Variants in ADAMTS12 observed in about 807,000 individuals in gnomAD.
ADAMTS12 encodes ADAM metallopeptidase with thrombospondin type 1 motif 12, also known as A disintegrin and metalloproteinase with thrombospondin motifs 12.
In ADAMTS12, 118 loss-of-function variants were observed where a neutral mutation model predicts 167.8. The ratio of observed to expected loss-of-function variants is 0.70; its 90% CI spans 0.61 to 0.82. The LOEUF (loss-of-function observed/expected upper bound fraction) is 0.82, where lower values mean the gene tolerates loss of function less well. Among genes scored for constraint, ADAMTS12 ranks in the 40% least tolerant of loss-of-function variants. The pLI, the probability that ADAMTS12 is intolerant of heterozygous loss-of-function variation, is 0.00. For missense variants in ADAMTS12, 1,916 were observed against 1,998.8 expected, an observed-to-expected ratio of 0.96 and a Z score of 0.79; for synonymous variants, 704 against 716.9, an observed-to-expected ratio of 0.98 and a Z score of 0.29.
intron 2 of ADAMTS12, among the ~76,000 whole-genome samples, chr5:33,875,195 A>G (rs1018567664): frequency 2.6e-5 from 4 of 152,252 alleles, no homozygotes; most frequent in Non-Finnish European, 4.4e-5. Context: ...GAATAGGTGG[A>G]GCACAGAAAA....
chr5:33,621,077 G>C (rs948767557), intron 14 of ADAMTS12, among the ~76,000 whole-genome samples: 11 of 152,224 alleles, frequency 7.2e-5, no homozygotes, highest in Admixed American at 7.2e-4. Context: ...AGACCACCTG[G>C]AGAAACTATT....
intron 7 of ADAMTS12, among the ~76,000 whole-genome samples, chr5:33,650,074 G>C (rs183053626): frequency 6.6e-6 from 1 of 152,274 alleles, no homozygotes; most frequent in African/African-American, 2.4e-5. Context: ...CAGCACAAAA[G>C]AACAAAACCT....
chr5:33,556,798 C>G (rs1048231744), intron 20 of ADAMTS12, among the ~76,000 whole-genome samples: 5 of 152,166 alleles, frequency 3.3e-5, no homozygotes, highest in Admixed American at 3.3e-4. Context: ...AACCTGCTGA[C>G]CCTGAAAGCA....
chr5:33,720,073 A>G (rs1743753301), intron 3 of ADAMTS12, among the ~76,000 whole-genome samples: 1 of 152,140 alleles, frequency 6.6e-6, no homozygotes, highest in Non-Finnish European at 1.5e-5. Flanking sequence ...AACATTCCAC[A>G]CACACACAAA....
rs58229017 is a variant in ADAMTS12, at chr5:33,799,753, AG to A, written c.490-48206del. Among the ~76,000 whole-genome samples the A allele has an allele frequency of 6.2e-3, 947 of 152,362 alleles. 10 individuals carry two copies. The highest frequency in any genetic ancestry group is 0.022 in the African/African-American group (904 of 41,582). Reference sequence around the variant, plus strand: ...AATAGTTGAGTGAATATCTGAAAGCAGGATGGTAGAAGCTGGGCCAACAGCA... The same window carrying A: ...AATAGTTGAGTGAATATCTGAAAGCAGATGGTAGAAGCTGGGCCAACAGCA... On this transcript the variant is annotated intron_variant, in intron 2 of 23. Transcript: ENST00000504830.
At chr5:33,763,837 A>G (rs1745438511) in intron 2 of ADAMTS12, among the ~76,000 whole-genome samples, 1 of 152,180 alleles carries the variant, frequency 6.6e-6, no homozygotes, top group Admixed American at 6.5e-5. Context: ...ACTGATATGG[A>G]ATGGAGAGCT....
At chr5:33,568,224 C>T (rs917755997) in intron 19 of ADAMTS12, among the ~76,000 whole-genome samples, 12 of 152,160 alleles carry the variant, frequency 7.9e-5, no homozygotes, top group African/African-American at 2.4e-4. Context: ...CCTTTTCTAC[C>T]TCTGAAGCTG....
intron 3 of ADAMTS12, among the ~76,000 whole-genome samples, chr5:33,722,122 C>T (rs575605226): frequency 2.0e-5 from 3 of 152,314 alleles, no homozygotes; most frequent in Middle Eastern, 3.4e-3. Flanking sequence ...TGCAATGTGA[C>T]TAACACTGCA....
chr5:33,697,336 G>C (rs1044971048), intron 3 of ADAMTS12, among the ~76,000 whole-genome samples: 1 of 152,190 alleles, frequency 6.6e-6, no homozygotes, highest in Non-Finnish European at 1.5e-5. Context: ...TAAGAGTGAT[G>C]AGAGGCATTT....
At position 33,880,313 on chromosome 5, in the gene ADAMTS12, A is replaced by C. The variant is rs1750381044; in HGVS notation, c.489+806T>G. ...ATAATAAAATACAATAACAGCAGCC[A>C]ATATTCATTGAGTGTTTATTATTTA... On this transcript the variant is annotated intron_variant, in intron 2 of 23. Coordinates refer to ENST00000504830, the MANE Select transcript of ADAMTS12 (RefSeq NM_030955.4). Among the ~76,000 whole-genome samples the C allele has an allele frequency of 2.0e-5, 3 of 152,352 alleles. No individual in the cohort carries two copies. In the South Asian group the frequency reaches 6.2e-4, roughly 32 times the overall value.
rs533482303 is a variant in ADAMTS12, at chr5:33,528,193, T to C, written c.4607-827A>G. On this transcript the variant is annotated intron_variant, in intron 23 of 23. Transcript: ENST00000504830. ...TCAGGAATGGAAAACCAAATATATG[T>C]TCTCATTTATAAGTGGGAGCTAAGC... Among the ~76,000 whole-genome samples, 26 of 152,258 alleles carry C rather than the reference T, an allele frequency of 1.7e-4. 1 individual carries two copies. In the South Asian group the frequency reaches 5.4e-3, roughly 32 times the overall value.
intron 5 of ADAMTS12, among the ~76,000 whole-genome samples, chr5:33,682,115 C>T (rs1172291626): frequency 1.3e-5 from 2 of 152,128 alleles, no homozygotes; most frequent in Non-Finnish European, 2.9e-5. Context: ...TAAGGCCAAA[C>T]CAATGTGATG....
chr5:33,605,718 G>A lies in ADAMTS12; in HGVS notation c.2527+8520C>T, dbSNP rs111889883. On this transcript the variant is annotated intron_variant, in intron 16 of 23. Coordinates refer to ENST00000504830, the MANE Select transcript of ADAMTS12 (RefSeq NM_030955.4). The stretch of plus-strand genomic sequence containing the variant: ...GGAGTCACAGAACAGAGAATAAAGA[G>A]GATAATCAATGAGTAGTATTTAAAT... Among the ~76,000 whole-genome samples the A allele has an allele frequency of 9.1e-3, 1,381 of 152,236 alleles. 26 individuals are homozygous for A. Among genetic ancestry groups the A allele is most frequent in the African/African-American group, 0.032 (1,318 of 41,546 alleles).
chr5:33,549,208 T>C lies in ADAMTS12; in HGVS notation c.4301A>G (p.Gln1434Arg). 2 of 1,612,698 alleles carry C rather than the reference T, an allele frequency of 1.2e-6. No individual in the cohort carries two copies. The highest frequency in any genetic ancestry group is 1.7e-6 in the Non-Finnish European group (2 of 1,178,806). ...TCTCTCCCTTTGTGGGGGACCTACC[T>C]GGCTCCAAGGCTCCACCTGCCACGC... ...CEAWQVEPWS[Q>R]CSRSCGGGVQ... The change falls in exon 21 of 24, where the codon CAG (glutamine) becomes CGG (arginine). Residue 1434 changes from glutamine to arginine, a missense_variant and splice_region_variant. Gln to Arg is a conservative substitution (Grantham distance 43). Coordinates refer to ENST00000504830, the MANE Select transcript of ADAMTS12 (RefSeq NM_030955.4).
chr5:33,607,189 T>A (rs1179925144), intron 16 of ADAMTS12, among the ~76,000 whole-genome samples: 1 of 151,808 alleles, frequency 6.6e-6, no homozygotes, highest in Admixed American at 6.6e-5. Flanking sequence ...TATTGGGATC[T>A]ATTCCATTCA....
At chr5:33,749,978 T>C (rs1744920537) in intron 3 of ADAMTS12, among the ~76,000 whole-genome samples, 1 of 152,180 alleles carries the variant, frequency 6.6e-6, no homozygotes, top group East Asian at 1.9e-4. Context: ...ACTGTCCTAG[T>C]AACTTTCTCC....
At chr5:33,580,528 A>C (rs576955072) in intron 18 of ADAMTS12, among the ~76,000 whole-genome samples, 1 of 152,342 alleles carries the variant, frequency 6.6e-6, no homozygotes, top group East Asian at 1.9e-4. Flanking sequence ...GGGTGGGGAC[A>C]CACAGCCAGA....
At chr5:33,715,820 G>A (rs367545447) in intron 3 of ADAMTS12, among the ~76,000 whole-genome samples, 15 of 152,162 alleles carry the variant, frequency 9.9e-5, no homozygotes, top group East Asian at 7.7e-4. Context: ...TGGGAGTAGG[G>A]CAAAAAGATG....
At chr5:33,734,367 C>T (rs1025558583) in intron 3 of ADAMTS12, among the ~76,000 whole-genome samples, 2 of 152,268 alleles carry the variant, frequency 1.3e-5, no homozygotes, top group African/African-American at 2.4e-5. Context: ...AAGAAAAAAA[C>T]GTGAAGTACC....
Sources: gnomAD v4.1 joint callset for allele counts (sites outside exome capture counted in the v4.1 genomes callset) on GRCh38, gnomAD v4.1.1 for gene constraint, MANE v1.5 for transcripts, NCBI Gene and HGNC (gene_info 2026-07-23, HGNC 2026-07-21) for gene names.